The following MDGA2 variants were observed in gnomAD, a reference collection of about 807,000 sequenced individuals.
MDGA2 encodes the protein MAM domain containing glycosylphosphatidylinositol anchor 2.
In MDGA2, 40 loss-of-function variants were observed where a neutral mutation model predicts 117.8. The ratio of observed to expected loss-of-function variants is 0.34; its 90% CI spans 0.26 to 0.44. MDGA2 has a LOEUF of 0.44. MDGA2 is among the 20% of genes least tolerant of loss of function. MDGA2 has a pLI of 1.00. For missense variants in MDGA2, 1,123 were observed against 1,250.6 expected (o/e 0.90, Z 1.54); for synonymous variants, 452 against 439.0 (o/e 1.03, Z -0.37).
chr14:46,870,878 C>A (rs1430610930), intron 14 of MDGA2: 1 of 151,586 alleles, frequency 6.6e-6, no homozygotes, highest in Admixed American at 6.6e-5. Context: ...TAAAGTAAAG[C>A]CCTAAAATCT....
chr14:47,198,450 T>C (rs1594715818), intron 3 of MDGA2, among the ~76,000 whole-genome samples: 1 of 152,100 alleles, frequency 6.6e-6, no homozygotes, highest in East Asian at 1.9e-4. Flanking sequence ...CAGGCACCTG[T>C]AGTCCCAGCT....
chr14:47,672,809 C>T (rs1280635012), intron 1 of MDGA2, among the ~76,000 whole-genome samples: 2 of 152,140 alleles, frequency 1.3e-5, no homozygotes, highest in African/African-American at 2.4e-5. Flanking sequence ...CTAGAATCCC[C>T]GTTTTTCTCA....
At chr14:47,536,227 C>T (rs1193369173) in intron 1 of MDGA2, among the ~76,000 whole-genome samples, 2 of 152,148 alleles carry the variant, frequency 1.3e-5, no homozygotes, top group Non-Finnish European at 2.9e-5. Flanking sequence ...CACAAAGACA[C>T]AGTCAAGCAA....
intron 14 of MDGA2, among the ~76,000 whole-genome samples, chr14:46,865,146 C>A (rs1156686941): frequency 1.3e-5 from 2 of 152,026 alleles, no homozygotes; most frequent in Non-Finnish European, 2.9e-5. Context: ...GAATAAAAAT[C>A]AAACTCATAA....
intron 5 of MDGA2, among the ~76,000 whole-genome samples, chr14:47,103,954 T>C (rs1425258862): frequency 6.6e-6 from 1 of 152,132 alleles, no homozygotes; most frequent in African/African-American, 2.4e-5. Context: ...AGTCAAAGAA[T>C]CCCTGCTGTC....
intron 1 of MDGA2, among the ~76,000 whole-genome samples, chr14:47,309,473 T>C (rs1039033372): frequency 6.6e-6 from 1 of 152,098 alleles, no homozygotes; most frequent in African/African-American, 2.4e-5. Flanking sequence ...ATGACTTTAG[T>C]TGAAAGGCCT....
At chr14:47,182,473 C>G (rs1884747193) in intron 3 of MDGA2, among the ~76,000 whole-genome samples, 1 of 151,916 alleles carries the variant, frequency 6.6e-6, no homozygotes, top group Admixed American at 6.6e-5. Flanking sequence ...AGTGTGTGCA[C>G]ACAGTGGAAA....
chr14:47,353,972 T>G (rs928590646), intron 1 of MDGA2, among the ~76,000 whole-genome samples: 5 of 152,218 alleles, frequency 3.3e-5, no homozygotes, highest in African/African-American at 9.7e-5. Flanking sequence ...AAGTGGGATA[T>G]ATCCCTGGAA....
chr14:47,408,078 G>GTTTT (rs1566772553), intron 1 of MDGA2, among the ~76,000 whole-genome samples: 74 of 136,372 alleles, frequency 5.4e-4, no homozygotes, highest in African/African-American at 7.4e-4. Flanking sequence ...TTTTTTTTTG[G>GTTTT]TGGCATCTTG....
rs995465389 is a variant in MDGA2 at position 46,855,229 on chromosome 14, G to C, written c.2753-75C>G. Reference sequence around the variant, plus strand: ...TTTGTTTTTCCTTGACCAAACACTTGTAAACTTTTTAAACTGAAATTTTAC... The same window carrying C: ...TTTGTTTTTCCTTGACCAAACACTTCTAAACTTTTTAAACTGAAATTTTAC... On this transcript the variant is annotated intron_variant, in intron 14 of 16. Transcript: ENST00000399232. The surrounding 1 kb of genome is among the most constrained non-coding windows in gnomAD (Gnocchi z 4.1). 4.5e-6 allele frequency: 6 copies of C among 1,337,746 alleles called. No individual in the cohort carries two copies. In the African/African-American group the frequency reaches 8.9e-5, roughly 20 times the overall value. 82.9% of individuals were successfully genotyped at this position (1,337,746 alleles called of 1,614,324 possible). A position where few individuals can be genotyped will look rare whatever the true frequency, so the allele number is the denominator to read the frequency against.
intron 5 of MDGA2, among the ~76,000 whole-genome samples, chr14:47,105,402 T>C (rs2139024474): frequency 6.6e-6 from 1 of 151,894 alleles, no homozygotes; most frequent in Admixed American, 6.6e-5. Context: ...CTCTACTCTT[T>C]TCTCTGGGCT....
chr14:46,984,419 T>C (rs1886792498), intron 8 of MDGA2, among the ~76,000 whole-genome samples: 1 of 152,148 alleles, frequency 6.6e-6, no homozygotes, highest in South Asian at 2.1e-4. Flanking sequence ...TGTAATTCTA[T>C]TTTTGATTAT....
intron 3 of MDGA2, among the ~76,000 whole-genome samples, chr14:47,181,586 T>C (rs1341360746): frequency 1.3e-5 from 2 of 152,242 alleles, no homozygotes; most frequent in African/African-American, 4.8e-5. Context: ...TAATATAACC[T>C]TAGCTTGTGA....
At chr14:47,200,554 A>C (rs1594717727) in intron 3 of MDGA2, 1 of 401,788 alleles carries the variant, frequency 2.5e-6, no homozygotes, top group South Asian at 6.9e-5. Flanking sequence ...TTTTTTGAGG[A>C]GTTAACAGTC....
At chr14:47,495,912 C>T (rs952812119) in intron 1 of MDGA2, among the ~76,000 whole-genome samples, 1 of 152,112 alleles carries the variant, frequency 6.6e-6, no homozygotes, top group Non-Finnish European at 1.5e-5. Flanking sequence ...TATTTAAAAA[C>T]ATTTCTTAAT....
intron 14 of MDGA2, among the ~76,000 whole-genome samples, chr14:46,856,311 T>G (rs1447341865): frequency 6.9e-6 from 1 of 143,956 alleles, no homozygotes; most frequent in East Asian, 2.2e-4. Flanking sequence ...TTCTATGTGT[T>G]CAGGCCAATA....
chr14:47,280,313 T>TAAA (rs1888438278), intron 2 of MDGA2, among the ~76,000 whole-genome samples: 1 of 7,176 alleles, frequency 1.4e-4, no homozygotes, highest in East Asian at 3.4e-3. Context: ...AAACTCCATC[T>TAAA]CAAAAAAAAA....
chr14:47,583,580 C>T (rs1896268491), intron 1 of MDGA2, among the ~76,000 whole-genome samples: 1 of 151,820 alleles, frequency 6.6e-6, no homozygotes, highest in Non-Finnish European at 1.5e-5. Context: ...AGCTAATTAT[C>T]TGCCTTTAAC....
chr14:47,213,760 T>TC, intron 3 of MDGA2, among the ~76,000 whole-genome samples: 1 of 152,274 alleles, frequency 6.6e-6, no homozygotes, highest in East Asian at 1.9e-4. Context: ...TCCTTTTTTT[T>TC]CTGAGAATAC....
Sources: allele counts gnomAD v4.1 joint callset (sites outside exome capture counted in the v4.1 genomes callset), GRCh38; gene constraint gnomAD v4.1.1; non-coding constraint Gnocchi (gnomAD v3.1); transcripts MANE v1.5; gene names NCBI Gene and HGNC (gene_info 2026-07-23, HGNC 2026-07-21).